ANO5: variants seen among roughly 807,000 people sequenced by gnomAD.
ANO5 encodes anoctamin-5.
ANO5 carries 109 observed loss-of-function variants against 121.0 expected under a neutral mutation model. The ratio of observed to expected loss-of-function variants is 0.90; its 90% CI spans 0.77 to 1.06. The LOEUF (loss-of-function observed/expected upper bound fraction) is 1.06. Ranked by LOEUF, ANO5 falls within the 50% of genes least tolerant of loss-of-function variation. ANO5 has a pLI of 0.00. For missense variants in ANO5, 1,064 were observed against 1,078.5 expected, an observed-to-expected ratio of 0.99 and a Z score of 0.19; for synonymous variants, 406 against 359.9, an observed-to-expected ratio of 1.13 and a Z score of -1.45.
In ANO5 at chr11:22,281,388, G is replaced by C. The variant is rs1590344429; in HGVS notation, c.*1623G>C. 5 of 152,052 alleles carry C rather than the reference G, an allele frequency of 3.3e-5. No individual in the cohort carries two copies. Among genetic ancestry groups the C allele is most frequent in the Admixed American group, 1.3e-4 (2 of 15,260 alleles). The allele number at this position is 152,052 out of a possible 1,614,324, so 9.4% of individuals were successfully genotyped here. A position where few individuals can be genotyped will look rare whatever the true frequency, so the allele number is the denominator to read the frequency against. On this transcript the variant is annotated 3_prime_UTR_variant, in exon 22 of 22. Transcript: ENST00000324559. ...TATAAACTATGAGACAGTCACCCCA[G>C]TTTGGACTGGGACTAATCCCCAGTA...
At position 22,279,586 on chromosome 11, in the gene ANO5, C is replaced by A; in HGVS notation, c.2563C>A (p.Pro855Thr). 2 of 1,612,766 alleles carry A rather than the reference C, an allele frequency of 1.2e-6. No individual in the cohort carries two copies. The highest frequency in any genetic ancestry group is 1.1e-5 in the South Asian group (1 of 91,052). The change falls in exon 22 of 22, where the codon CCT becomes ACT. Residue 855 changes from proline (P) to threonine (T), a missense_variant. By Grantham distance (38) the Pro-to-Thr change is conservative. Transcript: ENST00000324559. ...TAAATTTTTGCTGGCCTGGATGATACCTGATGTTCCAAAAGATGTTGTGGA... is the reference window on the plus strand; with the variant it reads ...TAAATTTTTGCTGGCCTGGATGATAACTGATGTTCCAAAAGATGTTGTGGA... ...LVKFLLAWMI[P>T]DVPKDVVERI...
intron 1 of ANO5, among the ~76,000 whole-genome samples, chr11:22,199,404 T>C (rs186161419): frequency 5.6e-4 from 85 of 152,260 alleles, no homozygotes; most frequent in African/African-American, 1.9e-3. Context: ...AGGAAATGTT[T>C]TGTTTGCTTG....
intron 1 of ANO5, among the ~76,000 whole-genome samples, chr11:22,196,914 T>C (rs536176580): frequency 6.0e-4 from 91 of 152,302 alleles, no homozygotes; most frequent in African/African-American, 2.2e-3. Flanking sequence ...GACACTGTTA[T>C]GAAAACAAAA....
rs768020172 is a variant in ANO5 at position 22,193,536 on chromosome 11, G to A, written c.40+4G>A. The A allele has an allele frequency of 6.2e-7, 1 of 1,612,502 alleles. No individual in the cohort carries two copies. The highest frequency in any genetic ancestry group is 8.5e-7 in the Non-Finnish European group (1 of 1,179,636). On this transcript the variant is annotated splice_donor_region_variant and intron_variant, in intron 1 of 21. Coordinates refer to ENST00000324559, the MANE Select transcript of ANO5 (RefSeq NM_213599.3). ...CTGGAAGTGTTGGCGGAGGAAGGTA[G>A]GACCGCGCCAAGAGGCGTCAAGGGA...
chr11:22,252,208 A>G (rs1454281076), intron 12 of ANO5, among the ~76,000 whole-genome samples: 3 of 152,166 alleles, frequency 2.0e-5, no homozygotes, highest in East Asian at 3.9e-4. Context: ...TAAAGAATCT[A>G]GAAATCTTAT....
Position 22,272,858 on chromosome 11 carries a change from AT to A in ANO5, c.2106del (p.Ile702MetfsTer2). 1 of 1,614,058 alleles carries A rather than the reference AT, an allele frequency of 6.2e-7. No homozygotes were observed. The highest frequency in any genetic ancestry group is 8.5e-7 in the Non-Finnish European group (1 of 1,180,004). On this transcript the variant is annotated frameshift_variant, in exon 19 of 22. Coordinates refer to ENST00000324559, the MANE Select transcript of ANO5 (RefSeq NM_213599.3). LOFTEE classifies it high-confidence loss of function. ...LAPLLALINNIVEIRVDAWKL... is the reference protein window; with the variant it reads ...LAPLLALINNXVEIRVDAWKL... ...TCCTCTTCTTGCTCTCATAAATAAT[AT>A]TGTAGAGATTCGAGTGGATGCCTGG...
Position 22,193,176 on chromosome 11 carries a change from A to G in ANO5, c.-317A>G. Reference sequence around the variant, plus strand: ...GACAGGTGCCTGGAGAAGTACTGGGAGAGCGCCCAGGAGCGCTACCGGCTG... The same window carrying G: ...GACAGGTGCCTGGAGAAGTACTGGGGGAGCGCCCAGGAGCGCTACCGGCTG... On this transcript the variant is annotated 5_prime_UTR_variant, in exon 1 of 22. Coordinates refer to ENST00000324559, the MANE Select transcript of ANO5 (RefSeq NM_213599.3). 8.1e-7 allele frequency: 1 copy of G among 1,236,702 alleles called. No individual in the cohort carries two copies. Among genetic ancestry groups the G allele is most frequent in the Non-Finnish European group, 1.0e-6 (1 of 974,560 alleles). 76.6% of individuals were successfully genotyped at this position (1,236,702 alleles called of 1,614,324 possible).
chr11:22,260,400 C>T (rs1854153210), intron 15 of ANO5, among the ~76,000 whole-genome samples: 1 of 152,052 alleles, frequency 6.6e-6, no homozygotes, highest in Non-Finnish European at 1.5e-5. Context: ...GTGTTCTCTC[C>T]AGGGTTCAAG....
At chr11:22,272,188 T>C (rs1854641025) in intron 18 of ANO5, among the ~76,000 whole-genome samples, 1 of 152,030 alleles carries the variant, frequency 6.6e-6, no homozygotes, top group South Asian at 2.1e-4. Flanking sequence ...TGGTCCTCTG[T>C]TGAGTCTTAA....
At chr11:22,211,805 C>T (rs988833247) in intron 3 of ANO5, among the ~76,000 whole-genome samples, 1 of 151,654 alleles carries the variant, frequency 6.6e-6, no homozygotes, top group African/African-American at 2.4e-5. Flanking sequence ...TCATTAGTTG[C>T]CTAGCAAGTA....
In ANO5 at chr11:22,279,573, G is replaced by A; in HGVS notation, c.2550G>A (p.Leu850=). 2 of 1,612,618 alleles carry A rather than the reference G, an allele frequency of 1.2e-6. No homozygotes were observed. The highest frequency in any genetic ancestry group is 1.7e-6 in the Non-Finnish European group (2 of 1,179,074). The change falls in exon 22 of 22, where the codon CTG becomes CTA. Residue 850 remains leucine, a synonymous_variant. Transcript: ENST00000324559. ...EHVVFLVKFL[L]AWMIPDVPKD... ...TTGTGTTTTTAGTTAAATTTTTGCT[G>A]GCCTGGATGATACCTGATGTTCCAA...
chr11:22,250,673 A>G (rs1853783320), intron 10 of ANO5, 68 bp from the exon 11 acceptor site: 6 of 1,474,348 alleles, frequency 4.1e-6, no homozygotes, highest in Non-Finnish European at 9.5e-7. Context: ...AGTTGTTCTA[A>G]TAAGAACAGC....
chr11:22,225,698 GT>G (rs1347927771), intron 5 of ANO5, among the ~76,000 whole-genome samples: 1 of 151,986 alleles, frequency 6.6e-6, no homozygotes, highest in Non-Finnish European at 1.5e-5. Flanking sequence ...TGTTTATAAA[GT>G]TTTTTTATAA....
At chr11:22,211,171 A>C in intron 2 of ANO5, 93 bp from the exon 3 acceptor site, 322 of 1,286,520 alleles carry the variant, frequency 2.5e-4, no homozygotes, top group Non-Finnish European at 3.1e-4. Flanking sequence ...GTTTCTGCAT[A>C]GAGATTACAG....
Position 22,193,129 on chromosome 11 carries a change from T to C in ANO5, c.-364T>C, listed in dbSNP as rs1365136622. 15 of 1,084,250 alleles carry C rather than the reference T, an allele frequency of 1.4e-5. No homozygotes were observed. Among genetic ancestry groups the C allele is most frequent in the Non-Finnish European group, 1.6e-5 (14 of 889,066 alleles). 67.2% of individuals were successfully genotyped at this position (1,084,250 alleles called of 1,614,324 possible). On this transcript the variant is annotated 5_prime_UTR_variant, in exon 1 of 22. Transcript: ENST00000324559. ...ACCGGGAGGAGTGGCGGCTGCGGGA[T>C]CAGCTGCCGAGCAGGCACAGGGACA...
rs1855130849 is a variant in ANO5, at chr11:22,282,916, A to G, written c.*3151A>G. The G allele has an allele frequency of 6.6e-6, 1 of 152,198 alleles. No homozygotes were observed. The highest frequency in any genetic ancestry group is 2.1e-4 in the South Asian group (1 of 4,834). The allele number at this position is 152,198 out of a possible 1,614,324, so 9.4% of individuals were successfully genotyped here. A position where few individuals can be genotyped will look rare whatever the true frequency, so the allele number is the denominator to read the frequency against. On this transcript the variant is annotated 3_prime_UTR_variant, in exon 22 of 22. Coordinates refer to ENST00000324559, the MANE Select transcript of ANO5 (RefSeq NM_213599.3). The stretch of plus-strand genomic sequence containing the variant: ...ACTAAAGAATGTTATGAAGAAAAAT[A>G]GCATTGCAAAAAGTACCATTGGCCA...
intron 3 of ANO5, among the ~76,000 whole-genome samples, chr11:22,214,952 A>G (rs1452100136): frequency 6.6e-6 from 1 of 152,048 alleles, no homozygotes; most frequent in Non-Finnish European, 1.5e-5. Flanking sequence ...CAAAATAGTG[A>G]AAAGTGAATG....
chr11:22,235,032 A>G (rs905754688), intron 7 of ANO5, among the ~76,000 whole-genome samples: 1 of 152,102 alleles, frequency 6.6e-6, no homozygotes, highest in East Asian at 1.9e-4. Context: ...GAATGAAATC[A>G]CTTTTCTGCC....
chr11:22,216,967 C>A (rs562490567), intron 3 of ANO5, among the ~76,000 whole-genome samples: 6 of 151,728 alleles, frequency 4.0e-5, no homozygotes, highest in Admixed American at 3.9e-4. Flanking sequence ...TGAAAGATAC[C>A]AAGAAAATAA....
Sources: allele counts gnomAD v4.1 joint callset (sites outside exome capture counted in the v4.1 genomes callset), GRCh38; gene constraint gnomAD v4.1.1; transcripts MANE v1.5; gene names NCBI Gene and HGNC (gene_info 2026-07-23, HGNC 2026-07-21).